Variants in COMMD10 observed in about 807,000 individuals in gnomAD.
COMMD10 encodes the protein COMM domain containing 10.
In COMMD10, 33 loss-of-function variants were observed where a neutral mutation model predicts 28.9. The ratio of observed to expected loss-of-function variants is 1.14; its 90% CI spans 0.87 to 1.53. The LOEUF (loss-of-function observed/expected upper bound fraction) is 1.53, where lower values mean the gene tolerates loss of function less well. COMMD10 is among the 40% of genes most tolerant of loss of function. The pLI is 0.00. For missense variants in COMMD10, 310 were observed against 233.4 expected (o/e 1.33, Z -2.14); for synonymous variants, 110 against 81.7 (o/e 1.35, Z -1.87).
intron 5 of COMMD10, among the ~76,000 whole-genome samples, chr5:116,149,355 C>T (rs1752440259): frequency 7.1e-6 from 1 of 141,790 alleles, no homozygotes; most frequent in Admixed American, 7.0e-5. Context: ...ATTTATAGTC[C>T]TTTGGGTATA....
intron 5 of COMMD10, among the ~76,000 whole-genome samples, chr5:116,182,279 A>T (rs1470957690): frequency 2.6e-5 from 4 of 151,162 alleles, no homozygotes; most frequent in African/African-American, 9.8e-5. Flanking sequence ...CTACTATTTA[A>T]TATTAAGATT....
intron 4 of COMMD10, among the ~76,000 whole-genome samples, chr5:116,133,442 C>T (rs1751924362): frequency 6.6e-6 from 1 of 152,118 alleles, no homozygotes; most frequent in Non-Finnish European, 1.5e-5. Context: ...TAACTGGGAA[C>T]GATAGTAAGA....
chr5:116,160,895 T>C (rs1752894047), intron 5 of COMMD10, among the ~76,000 whole-genome samples: 1 of 152,214 alleles, frequency 6.6e-6, no homozygotes, highest in Admixed American at 6.5e-5. Context: ...TTGGTGAACC[T>C]GTGCTATTCT....
intron 4 of COMMD10, among the ~76,000 whole-genome samples, chr5:116,128,020 T>G (rs1263263947): frequency 6.6e-6 from 1 of 152,090 alleles, no homozygotes; most frequent in Admixed American, 6.6e-5. Flanking sequence ...TGTATGTGTG[T>G]CAGTTCGCAG....
At chr5:116,215,734 A>G (rs1054016925) in intron 5 of COMMD10, among the ~76,000 whole-genome samples, 72 of 144,022 alleles carry the variant, frequency 5.0e-4, no homozygotes, top group Non-Finnish European at 1.1e-4. Context: ...ATATATATGT[A>G]TATATAATTC....
chr5:116,126,158 T>C (rs1007584804), intron 4 of COMMD10, among the ~76,000 whole-genome samples: 1 of 152,014 alleles, frequency 6.6e-6, no homozygotes, highest in Admixed American at 6.6e-5. Context: ...AAATGACGAG[T>C]GAACTCCCAT....
chr5:116,180,139 G>C (rs553334738), intron 5 of COMMD10, among the ~76,000 whole-genome samples: 1 of 152,126 alleles, frequency 6.6e-6, no homozygotes, highest in Non-Finnish European at 1.5e-5. Context: ...TTTGAATTTA[G>C]GGTTAATTGA....
chr5:116,234,796 C>T (rs982612796), intron 5 of COMMD10, among the ~76,000 whole-genome samples: 1 of 152,136 alleles, frequency 6.6e-6, no homozygotes, highest in African/African-American at 2.4e-5. Flanking sequence ...AAAAGGTTCT[C>T]AGAGTCTGTT....
At chr5:116,278,047 A>C (rs772633129) in intron 5 of COMMD10, among the ~76,000 whole-genome samples, 5 of 151,842 alleles carry the variant, frequency 3.3e-5, no homozygotes, top group Non-Finnish European at 7.4e-5. Flanking sequence ...ATTTACCCAG[A>C]ATCCCTCAGC....
At chr5:116,216,985 T>A (rs950512208) in intron 5 of COMMD10, among the ~76,000 whole-genome samples, 5 of 152,142 alleles carry the variant, frequency 3.3e-5, no homozygotes, top group Non-Finnish European at 4.4e-5. Context: ...TTTGAGGGGA[T>A]AGATTTTTAA....
At chr5:116,263,041 T>G (rs952978255) in intron 5 of COMMD10, among the ~76,000 whole-genome samples, 3 of 151,872 alleles carry the variant, frequency 2.0e-5, no homozygotes, top group African/African-American at 7.3e-5. Flanking sequence ...TTTAATAGTT[T>G]GCTTATTTGG....
At chr5:116,194,181 A>G (rs757597777) in intron 5 of COMMD10, among the ~76,000 whole-genome samples, 5 of 152,284 alleles carry the variant, frequency 3.3e-5, no homozygotes, top group Admixed American at 6.5e-5. Flanking sequence ...GCTAAGAGGA[A>G]AGTTCATAGC....
At chr5:116,173,785 T>C (rs1753413195) in intron 5 of COMMD10, among the ~76,000 whole-genome samples, 1 of 151,722 alleles carries the variant, frequency 6.6e-6, no homozygotes, top group Non-Finnish European at 1.5e-5. Context: ...GGGTATCACC[T>C]TCCTTGTTAA....
At chr5:116,282,884 T>C (rs1268872940) in intron 5 of COMMD10, among the ~76,000 whole-genome samples, 1 of 151,886 alleles carries the variant, frequency 6.6e-6, no homozygotes, top group Non-Finnish European at 1.5e-5. Context: ...ACTTAAAAAT[T>C]TTGAGAACAC....
At chr5:116,242,865 T>A (rs1749847826) in intron 5 of COMMD10, among the ~76,000 whole-genome samples, 1 of 152,108 alleles carries the variant, frequency 6.6e-6, no homozygotes, top group Non-Finnish European at 1.5e-5. Context: ...TAATAATCGT[T>A]GGATAGGCTT....
intron 5 of COMMD10, among the ~76,000 whole-genome samples, chr5:116,288,389 TAC>T (rs755400761): frequency 6.6e-6 from 1 of 152,034 alleles, no homozygotes; most frequent in Non-Finnish European, 1.5e-5. Flanking sequence ...TCTTTGACTT[TAC>T]ACAGTTTGAC....
At chr5:116,134,220 T>A in intron 5 of COMMD10, 42 bp downstream of exon 5, 1 of 1,180,310 alleles carries the variant, frequency 8.5e-7, no homozygotes, top group Non-Finnish European at 1.3e-6. Flanking sequence ...TTTTGTTTGT[T>A]AGGACTTAAA....
intron 5 of COMMD10, among the ~76,000 whole-genome samples, chr5:116,185,038 A>G (rs1178007458): frequency 6.6e-6 from 1 of 152,056 alleles, no homozygotes; most frequent in Non-Finnish European, 1.5e-5. Flanking sequence ...AATGTGTGAT[A>G]AAAGTTTTGG....
At chr5:116,105,404 C>T (rs1288597531) in intron 4 of COMMD10, among the ~76,000 whole-genome samples, 2 of 152,104 alleles carry the variant, frequency 1.3e-5, no homozygotes, top group Non-Finnish European at 2.9e-5. Flanking sequence ...ATCAGGGATA[C>T]TGGCTTGAAA....
Sources: allele counts gnomAD v4.1 joint callset (sites outside exome capture counted in the v4.1 genomes callset), GRCh38; gene constraint gnomAD v4.1.1; transcripts MANE v1.5; gene names NCBI Gene and HGNC (gene_info 2026-07-23, HGNC 2026-07-21).